PCDH9: variants seen among roughly 807,000 people sequenced by gnomAD.
The protein encoded by PCDH9 is protocadherin-9.
In PCDH9, 24 loss-of-function variants were observed where a neutral mutation model predicts 70.6. The observed-to-expected ratio is 0.34, with a 90% CI of 0.25 to 0.48. PCDH9 has a LOEUF of 0.48. PCDH9 is among the 20% of genes least tolerant of loss of function. The pLI is 0.99. For missense variants in PCDH9, 1,281 were observed against 1,503.6 expected, an observed-to-expected ratio of 0.85 and a Z score of 2.45; for synonymous variants, 562 against 558.5, an observed-to-expected ratio of 1.01 and a Z score of -0.09.
chr13:66,995,590 C>G (rs1432887939), intron 2 of PCDH9, among the ~76,000 whole-genome samples: 1 of 152,168 alleles, frequency 6.6e-6, no homozygotes, highest in Non-Finnish European at 1.5e-5. Context: ...ATGTTTGTGT[C>G]AGTTCTACCC....
chr13:67,052,190 G>A (rs1013836882), intron 2 of PCDH9, among the ~76,000 whole-genome samples: 1 of 152,060 alleles, frequency 6.6e-6, no homozygotes, highest in African/African-American at 2.4e-5. Context: ...GAATGATAAG[G>A]GCAAGCAAGC....
intron 3 of PCDH9, 125 bp downstream of exon 3, chr13:66,903,379 A>T (rs1463458315): frequency 2.5e-6 from 1 of 403,698 alleles, no homozygotes; most frequent in African/African-American, 2.1e-5. Flanking sequence ...AAACATTAGT[A>T]TAAAAATGTG....
chr13:67,148,201 CTT>C (rs5804311), intron 2 of PCDH9, among the ~76,000 whole-genome samples: 1,697 of 144,688 alleles, frequency 0.012, 19 homozygotes, highest in South Asian at 0.018. Flanking sequence ...ACCTCCATGT[CTT>C]TTTTTTTTTT....
chr13:67,060,426 T>C (rs2085516924), intron 2 of PCDH9, among the ~76,000 whole-genome samples: 1 of 152,096 alleles, frequency 6.6e-6, no homozygotes, highest in South Asian at 2.1e-4. Context: ...GCTTTGTTTG[T>C]TTCCTGTTTT....
chr13:66,514,890 A>G (rs1292954859), intron 4 of PCDH9, among the ~76,000 whole-genome samples: 2 of 152,104 alleles, frequency 1.3e-5, no homozygotes, highest in Admixed American at 1.3e-4. Flanking sequence ...AGATAAACCC[A>G]TAATAGTCCA....
intron 3 of PCDH9, among the ~76,000 whole-genome samples, chr13:66,764,309 T>C (rs1014538652): frequency 6.6e-6 from 1 of 151,928 alleles, no homozygotes; most frequent in Non-Finnish European, 1.5e-5. Context: ...AGAGAAAATT[T>C]TCTTTGAGTT....
intron 2 of PCDH9, among the ~76,000 whole-genome samples, chr13:66,983,244 G>A (rs540750467): frequency 1.3e-4 from 19 of 151,618 alleles, no homozygotes; most frequent in African/African-American, 3.9e-4. Flanking sequence ...AGTTAAAGAA[G>A]AAAAATGAAT....
chr13:66,614,754 A>G (rs1482412251), intron 4 of PCDH9, among the ~76,000 whole-genome samples: 1 of 152,188 alleles, frequency 6.6e-6, no homozygotes, highest in African/African-American at 2.4e-5. Flanking sequence ...CAGCAAGGCC[A>G]TTTTTACTTT....
At chr13:66,518,955 T>C (rs887672077) in intron 4 of PCDH9, among the ~76,000 whole-genome samples, 2 of 152,188 alleles carry the variant, frequency 1.3e-5, no homozygotes, top group Non-Finnish European at 2.9e-5. Flanking sequence ...AAAACTGTTT[T>C]AAATAAAGAA....
chr13:66,687,679 G>A (rs76467985), intron 3 of PCDH9, among the ~76,000 whole-genome samples: 2,101 of 152,146 alleles, frequency 0.014, 46 homozygotes, highest in African/African-American at 0.048. Flanking sequence ...GCAAACCCAA[G>A]TAAAGTAAGA....
chr13:66,503,325 C>G (rs966712212), intron 4 of PCDH9, among the ~76,000 whole-genome samples: 4 of 152,024 alleles, frequency 2.6e-5, no homozygotes, highest in African/African-American at 9.7e-5. Context: ...GATGAGAGGG[C>G]CTGTTTAAAA....
chr13:66,742,133 A>G (rs1256151814), intron 3 of PCDH9, among the ~76,000 whole-genome samples: 6 of 53,068 alleles, frequency 1.1e-4, no homozygotes, highest in African/African-American at 4.1e-4. Context: ...TGGTACTGGT[A>G]CCAAAACAGA....
chr13:66,593,840 T>C (rs889278034), intron 4 of PCDH9, among the ~76,000 whole-genome samples: 6 of 151,780 alleles, frequency 4.0e-5, no homozygotes, highest in African/African-American at 1.2e-4. Flanking sequence ...ATAATTTTCT[T>C]CAACATGACA....
At chr13:66,488,132 A>T (rs993177953) in intron 4 of PCDH9, among the ~76,000 whole-genome samples, 7 of 152,194 alleles carry the variant, frequency 4.6e-5, no homozygotes, top group Non-Finnish European at 7.3e-5. Context: ...TTTGTGCTGT[A>T]ACAAATTTAT....
At chr13:66,371,756 C>T (rs376532896) in intron 4 of PCDH9, among the ~76,000 whole-genome samples, 47 of 152,128 alleles carry the variant, frequency 3.1e-4, no homozygotes, top group African/African-American at 1.0e-3. Context: ...GGATACTAAA[C>T]GCCGAATGAA....
At position 67,226,276 on chromosome 13, in the gene PCDH9, T is replaced by C; in HGVS notation, c.2165A>G (p.Asn722Ser). Residue 722 changes from asparagine (N) to serine (S), a missense_variant, in exon 2 of 5, where the codon AAT becomes AGT. Around this residue, in one of 4 missense-constraint regions of PCDH9, gnomAD observed 798 missense variants for 1,003.1 expected, o/e 0.80. Transcript: ENST00000377865. The surrounding 1 kb of genome is among the most constrained non-coding windows in gnomAD (Gnocchi z 5.0). ...ELKYTIVSGN[N>S]KGLFRIDPVT... ...TGGATCAATCCGGAATAAGCCTTTA[T>C]TGTTTCCACTCACTATAGTATACTT... The C allele has an allele frequency of 6.2e-7, 1 of 1,614,220 alleles. No individual in the cohort carries two copies. The highest frequency in any genetic ancestry group is 8.5e-7 in the Non-Finnish European group (1 of 1,180,036).
At chr13:66,370,528 T>TTTTA (rs1956629663) in intron 4 of PCDH9, among the ~76,000 whole-genome samples, 2 of 150,860 alleles carry the variant, frequency 1.3e-5, no homozygotes, top group African/African-American at 4.9e-5. Flanking sequence ...TTTTTTTTTT[T>TTTTA]GAGACAGGGT....
intron 4 of PCDH9, among the ~76,000 whole-genome samples, chr13:66,564,848 C>A (rs1208475476): frequency 6.7e-6 from 1 of 149,320 alleles, no homozygotes; most frequent in Non-Finnish European, 1.5e-5. Context: ...TCAGAAACAT[C>A]ATGCACATAA....
chr13:66,651,615 C>T (rs2077852689), intron 3 of PCDH9, among the ~76,000 whole-genome samples: 1 of 152,040 alleles, frequency 6.6e-6, no homozygotes, highest in Non-Finnish European at 1.5e-5. Context: ...CTGACTAAAA[C>T]TATTCCAAAA....
Sources: allele counts gnomAD v4.1 joint callset (sites outside exome capture counted in the v4.1 genomes callset), GRCh38; gene constraint gnomAD v4.1.1; regional missense constraint gnomAD v4.1.1; non-coding constraint Gnocchi (gnomAD v3.1); transcripts MANE v1.5; gene names NCBI Gene and HGNC (gene_info 2026-07-23, HGNC 2026-07-21).